PRDM1: variants seen among roughly 807,000 people sequenced by gnomAD.
PRDM1 encodes the protein PR domain zinc finger protein 1.
PRDM1 carries 13 observed loss-of-function variants against 62.8 expected under a neutral mutation model. The ratio of observed to expected loss-of-function variants is 0.21; its 90% confidence interval spans 0.13 to 0.33. The LOEUF (loss-of-function observed/expected upper bound fraction) is 0.33. Ranked by LOEUF, PRDM1 falls within the 10% of genes least tolerant of loss-of-function variation. PRDM1 has a pLI of 1.00. For missense variants in PRDM1, 895 were observed against 1,058.8 expected, an observed-to-expected ratio of 0.85 and a Z score of 2.15; for synonymous variants, 396 against 417.6, an observed-to-expected ratio of 0.95 and a Z score of 0.63.
chr6:106,014,944 A>G (rs997331165), intron 1 of PRDM1, among the ~76,000 whole-genome samples: 3 of 152,192 alleles, frequency 2.0e-5, no homozygotes, highest in Non-Finnish European at 4.4e-5. Context: ...AACAAGACAC[A>G]GGGACATAAT....
intron 3 of PRDM1, among the ~76,000 whole-genome samples, chr6:106,097,011 T>C (rs1774132107): frequency 6.6e-6 from 1 of 152,184 alleles, no homozygotes; most frequent in African/African-American, 2.4e-5. Flanking sequence ...TAAGAAACAA[T>C]ATTTTTAATC....
In PRDM1 at chr6:106,106,794, T is replaced by C. The variant is rs1229735924; in HGVS notation, c.1903-117T>C. 4.2e-6 allele frequency: 5 copies of C among 1,187,000 alleles called. No individual in the cohort carries two copies. The highest frequency in any genetic ancestry group is 2.7e-4 in the Middle Eastern group (1 of 3,706). The allele number at this position is 1,187,000 out of a possible 1,614,324, so 73.5% of individuals were successfully genotyped here. A position where few individuals can be genotyped will look rare whatever the true frequency, so the allele number is the denominator to read the frequency against. On this transcript the variant is annotated intron_variant, in intron 6 of 6. Coordinates refer to ENST00000369096, the MANE Select transcript of PRDM1 (RefSeq NM_001198.4). The surrounding 1 kb of genome is among the most constrained non-coding windows in gnomAD (Gnocchi z 4.4). ...CACACTGGAGGTGCCACAAGGAGGC[T>C]TCTCACCTCCTAGGTTGCTGGGCGT...
chr6:106,009,549 A>G (rs1213130617), intron 1 of PRDM1, among the ~76,000 whole-genome samples: 2 of 152,146 alleles, frequency 1.3e-5, no homozygotes, highest in Admixed American at 1.3e-4. Context: ...GGTGTGCAAG[A>G]AATCTACCTA....
rs948221024 is a variant in PRDM1, at chr6:106,093,321, G to A, written c.292-2294G>A. On this transcript the variant is annotated intron_variant, in intron 2 of 6. Transcript: ENST00000369096. ...AATGGCAATTTGGAAGAAGAACCAC[G>A]ACCTCAGTGCAGTGCTCCGTTTTGG... 4.6e-5 allele frequency among the ~76,000 whole-genome samples: 7 copies of A among 152,168 alleles called. No homozygotes were observed. The South Asian group carries it at 6.2e-4, about 14-fold the overall frequency.
At chr6:106,015,829 T>G (rs1267796634) in intron 1 of PRDM1, among the ~76,000 whole-genome samples, 1 of 152,126 alleles carries the variant, frequency 6.6e-6, no homozygotes, top group Non-Finnish European at 1.5e-5. Context: ...AAAATTGTAG[T>G]AAAATATACA....
intron 1 of PRDM1, among the ~76,000 whole-genome samples, chr6:106,004,955 A>C (rs1259572055): frequency 6.6e-6 from 1 of 152,154 alleles, no homozygotes; most frequent in African/African-American, 2.4e-5. Context: ...GAAACAATGA[A>C]CTCTTTGCTA....
At chr6:106,094,784 T>G (rs1444272763) in intron 2 of PRDM1, among the ~76,000 whole-genome samples, 1 of 152,016 alleles carries the variant, frequency 6.6e-6, no homozygotes, top group Non-Finnish European at 1.5e-5. Context: ...ATGCCTGTAG[T>G]CCCAGCTACT....
chr6:106,067,747 G>A (rs1168387297), intron 1 of PRDM1, among the ~76,000 whole-genome samples: 2 of 152,140 alleles, frequency 1.3e-5, no homozygotes, highest in East Asian at 3.9e-4. Context: ...TTGCTTAATA[G>A]GATCAGAGTT....
At chr6:106,014,911 G>T (rs574728377) in intron 1 of PRDM1, among the ~76,000 whole-genome samples, 1 of 152,154 alleles carries the variant, frequency 6.6e-6, no homozygotes, top group South Asian at 2.1e-4. Flanking sequence ...TTGTCTTTCT[G>T]TGAGATGGGG....
chr6:106,103,864 C>T (rs964346675), intron 4 of PRDM1, among the ~76,000 whole-genome samples: 3 of 152,180 alleles, frequency 2.0e-5, no homozygotes, highest in Non-Finnish European at 2.9e-5. Flanking sequence ...GTGACTGTCA[C>T]GCCTTGTGAC....
At chr6:106,096,081 C>T (rs752228240) in intron 3 of PRDM1, 20 of 185,218 alleles carry the variant, frequency 1.1e-4, no homozygotes, top group Non-Finnish European at 2.3e-5. Context: ...CCTTAGATTT[C>T]ACCCCTTTTT....
chr6:106,098,521 G>T, intron 3 of PRDM1: 1 of 1,245,574 alleles, frequency 8.0e-7, no homozygotes, highest in South Asian at 1.4e-5. Flanking sequence ...TCTGTGTGTG[G>T]TGTTTTAGCC....
At position 106,086,985 on chromosome 6, in the gene PRDM1, CTTT is replaced by C. The variant is rs879331584; in HGVS notation, c.42+400_42+402del. Among the ~76,000 whole-genome samples, 3 of 146,080 alleles carry C rather than the reference CTTT, an allele frequency of 2.1e-5. No individual in the cohort carries two copies. In the East Asian group the frequency reaches 5.9e-4, roughly 29 times the overall value. On this transcript the variant is annotated intron_variant, in intron 1 of 6. Coordinates refer to ENST00000369096, the MANE Select transcript of PRDM1 (RefSeq NM_001198.4). ...GAGGGAAAAACAACTTTGCATCCAA[CTTT>C]TTTTTTTTTAAGAGCATCCTATTTA... is the stretch of plus-strand genomic sequence containing the variant.
rs959667210 is a variant in PRDM1 at position 105,994,976 on chromosome 6, T to C, written c.-67+1337T>C. Reference sequence around the variant, plus strand: ...GAGGAAAGCCTCTGGTCGAGAGGATTAGAGCGCGCGTTTTCTCCGCCGAGC... The same window carrying C: ...GAGGAAAGCCTCTGGTCGAGAGGATCAGAGCGCGCGTTTTCTCCGCCGAGC... On this transcript the variant is annotated intron_variant, in intron 1 of 6. Coordinates refer to the PRDM1 transcript ENST00000652320. This position sits in a 1 kb window ranked among gnomAD's most constrained non-coding sequence, Gnocchi z 4.1. Among the ~76,000 whole-genome samples the C allele has an allele frequency of 6.6e-6, 1 of 152,180 alleles. No individual in the cohort carries two copies. Among genetic ancestry groups the C allele is most frequent in the African/African-American group, 2.4e-5 (1 of 41,460 alleles).
At chr6:106,068,182 C>T (rs1465130826) in intron 1 of PRDM1, among the ~76,000 whole-genome samples, 2 of 150,160 alleles carry the variant, frequency 1.3e-5, no homozygotes, top group East Asian at 3.9e-4. Context: ...ACCTCTGCCT[C>T]CTGAGTTCAA....
intron 1 of PRDM1, among the ~76,000 whole-genome samples, chr6:106,035,119 T>C (rs1216874784): frequency 1.3e-5 from 2 of 152,222 alleles, no homozygotes; most frequent in Admixed American, 6.5e-5. Flanking sequence ...GTTCTATTCT[T>C]TATTGAGAGT....
At chr6:106,058,151 T>G (rs1466781327) in intron 1 of PRDM1, among the ~76,000 whole-genome samples, 1 of 152,198 alleles carries the variant, frequency 6.6e-6, no homozygotes, top group Non-Finnish European at 1.5e-5. Context: ...TAAGTCAGTT[T>G]GAGCTGCTAT....
chr6:106,092,369 T>G (rs1048574957), intron 2 of PRDM1, among the ~76,000 whole-genome samples: 1 of 152,134 alleles, frequency 6.6e-6, no homozygotes, highest in Non-Finnish European at 1.5e-5. Flanking sequence ...CATAAAGAGC[T>G]TCTGTGGGAG....
chr6:106,107,336 G>T lies in PRDM1; in HGVS notation c.2328G>T (p.Leu776Phe). The change falls in exon 7 of 7, where the codon TTG becomes TTT. Residue 776 changes from leucine (L) to phenylalanine (F), a missense_variant. By Grantham distance (22) the Leu-to-Phe change is conservative. Around this residue, in one of 4 missense-constraint regions of PRDM1, gnomAD observed 164 missense variants for 179.9 expected, o/e 0.91. Transcript: ENST00000369096. ...AAGAAACTGGCCTGAAAGTGTCTTT[G>T]CAAAGAAACATGGGGAATGGACTCC... ...EKEETGLKVS[L>F]QRNMGNGLLS... is the part of the protein sequence containing the mutation. The T allele has an allele frequency of 6.2e-7, 1 of 1,614,118 alleles. No individual in the cohort carries two copies. The highest frequency in any genetic ancestry group is 8.5e-7 in the Non-Finnish European group (1 of 1,180,020).
Sources: allele counts gnomAD v4.1 joint callset (sites outside exome capture counted in the v4.1 genomes callset), GRCh38; gene constraint gnomAD v4.1.1; regional missense constraint gnomAD v4.1.1; non-coding constraint Gnocchi (gnomAD v3.1); transcripts MANE v1.5; gene names NCBI Gene and HGNC (gene_info 2026-07-23, HGNC 2026-07-21).